SHOC1: variants seen among roughly 807,000 people sequenced by gnomAD.
SHOC1 encodes shortage in chiasmata 1, also known as protein shortage in chiasmata 1 ortholog.
In SHOC1, 136 loss-of-function variants were observed where a neutral mutation model predicts 179.2. That is an observed-to-expected ratio of 0.76 (90% CI 0.66 to 0.87). The LOEUF is 0.87. SHOC1 is among the 40% of genes least tolerant of loss of function. The probability of loss-of-function intolerance (pLI) is 0.00; values close to 1 mark genes in which losing one functional copy is unlikely to be tolerated. For synonymous variants in SHOC1, 489 were observed against 586.6 expected, an observed-to-expected ratio of 0.83 and a Z score of 2.41; for missense variants, 1,538 against 1,700.8, an observed-to-expected ratio of 0.90 and a Z score of 1.68.
At chr9:111,789,856 C>G (rs927491746) in intron 2 of SHOC1, among the ~76,000 whole-genome samples, 3 of 152,182 alleles carry the variant, frequency 2.0e-5, no homozygotes, top group South Asian at 4.1e-4. Context: ...TATCTTTTAA[C>G]TACACATTTG....
intron 8 of SHOC1, among the ~76,000 whole-genome samples, chr9:111,755,607 A>C (rs144641229): frequency 6.6e-6 from 1 of 152,316 alleles, no homozygotes; most frequent in East Asian, 1.9e-4. Context: ...GTTCTAAGTT[A>C]TGACTCTCCT....
At chr9:111,704,553 T>A (rs1589383969) in intron 21 of SHOC1, among the ~76,000 whole-genome samples, 1 of 152,158 alleles carries the variant, frequency 6.6e-6, no homozygotes, top group South Asian at 2.1e-4. Context: ...CTTAACTACC[T>A]TTTATAAGCT....
chr9:111,706,513 A>G, intron 20 of SHOC1, 55 bp downstream of exon 20: 1 of 1,319,380 alleles, frequency 7.6e-7, no homozygotes, highest in South Asian at 1.7e-5. Context: ...TAAACAAAAA[A>G]TAGAAAATTT....
intron 4 of SHOC1, among the ~76,000 whole-genome samples, chr9:111,776,844 G>A (rs1389304269): frequency 6.6e-6 from 1 of 152,176 alleles, no homozygotes; most frequent in African/African-American, 2.4e-5. Context: ...ACCGCCCAAC[G>A]GGTTCACCTT....
intron 3 of SHOC1, among the ~76,000 whole-genome samples, chr9:111,784,546 C>T (rs1836192543): frequency 6.6e-6 from 1 of 152,214 alleles, no homozygotes; most frequent in Non-Finnish European, 1.5e-5. Flanking sequence ...CCTTTCTATT[C>T]TCCAGACAAT....
At chr9:111,696,210 G>T (rs1352865808) in intron 24 of SHOC1, among the ~76,000 whole-genome samples, 1 of 152,162 alleles carries the variant, frequency 6.6e-6, no homozygotes, top group African/African-American at 2.4e-5. Flanking sequence ...AACACTAGTA[G>T]CAGTATTTTC....
intron 6 of SHOC1, 64 bp from the exon 7 acceptor site, chr9:111,758,259 C>A (rs1449246553): frequency 9.7e-6 from 8 of 822,082 alleles, no homozygotes; most frequent in Admixed American, 3.2e-5. Flanking sequence ...TGTAGCCAAC[C>A]AAAACACATA....
At chr9:111,722,831 C>G (rs1833127362) in intron 14 of SHOC1, among the ~76,000 whole-genome samples, 1 of 152,056 alleles carries the variant, frequency 6.6e-6, no homozygotes, top group Admixed American at 6.6e-5. Flanking sequence ...GAGACAGAGT[C>G]TTGCTCTGTT....
Position 111,765,376 on chromosome 9 carries a change from T to G in SHOC1, c.443-6528A>C, listed in dbSNP as rs568769608. ...GCTTTGCGAGGCCAAGGTGAAAGGA[T>G]CACTTGAGCCCAGGAGCTCGTGACC... is the stretch of plus-strand genomic sequence containing the variant. On this transcript the variant is annotated intron_variant, in intron 5 of 27. Coordinates refer to ENST00000682961, the MANE Select transcript of SHOC1 (RefSeq NM_001378211.1). Among the ~76,000 whole-genome samples the G allele has an allele frequency of 9.3e-4, 141 of 152,170 alleles. 6 individuals are homozygous for G. The highest frequency in any genetic ancestry group is 2.9e-4 in the Non-Finnish European group (20 of 68,010).
At chr9:111,782,126 G>T (rs998694905) in intron 3 of SHOC1, among the ~76,000 whole-genome samples, 1 of 152,096 alleles carries the variant, frequency 6.6e-6, no homozygotes, top group Admixed American at 6.6e-5. Context: ...GCAGGAGAAT[G>T]GCATGAACCC....
intron 5 of SHOC1, among the ~76,000 whole-genome samples, chr9:111,768,618 T>A (rs1413004384): frequency 1.3e-5 from 2 of 152,250 alleles, no homozygotes; most frequent in East Asian, 3.8e-4. Context: ...TTCCAACTAT[T>A]ATTTTAGGTT....
chr9:111,725,690 G>C lies in SHOC1; in HGVS notation c.1835-1779C>G, dbSNP rs535649751. Among the ~76,000 whole-genome samples the C allele has an allele frequency of 9.2e-5, 14 of 152,298 alleles. No individual in the cohort carries two copies. The South Asian group carries it at 2.7e-3, about 29-fold the overall frequency. On this transcript the variant is annotated intron_variant, in intron 13 of 27. Coordinates refer to ENST00000682961, the MANE Select transcript of SHOC1 (RefSeq NM_001378211.1). The stretch of plus-strand genomic sequence containing the variant: ...GAGAGATGTATAAAAAGGCAAAGAG[G>C]CCAGGAACTTAACACTTAATTGAGG...
At chr9:111,785,344 T>G (rs1172124782) in intron 3 of SHOC1, among the ~76,000 whole-genome samples, 1 of 145,728 alleles carries the variant, frequency 6.9e-6, no homozygotes, top group Non-Finnish European at 1.5e-5. Context: ...TATTTAATGG[T>G]TTTGTTGCTG....
At position 111,764,504 on chromosome 9, in the gene SHOC1, A is replaced by C. The variant is rs150961598; in HGVS notation, c.443-5656T>G. On this transcript the variant is annotated intron_variant, in intron 5 of 27. Coordinates refer to ENST00000682961, the MANE Select transcript of SHOC1 (RefSeq NM_001378211.1). ...ATAACACAATACTATTTTCAGCTAC[A>C]AATAGTATTTATGCATTCATAATTC... Among the ~76,000 whole-genome samples the C allele has an allele frequency of 3.1e-3, 466 of 152,350 alleles. 7 individuals are homozygous for C. Among genetic ancestry groups the C allele is most frequent in the South Asian group, 0.026 (125 of 4,830 alleles).
Position 111,706,708 on chromosome 9 carries a change from C to G in SHOC1, c.2597G>C (p.Gly866Ala), listed in dbSNP as rs759428757. 6.2e-7 allele frequency: 1 copy of G among 1,606,898 alleles called. No individual in the cohort carries two copies. The highest frequency in any genetic ancestry group is 1.7e-5 in the Admixed American group (1 of 59,142). Residue 866 changes from glycine (G) to alanine (A), a missense_variant, in exon 20 of 28, where the codon GGA becomes GCA. Physicochemically the swap from Gly to Ala is moderately conservative, Grantham distance 60. Transcript: ENST00000682961. ...GAAATTACTCCAGGGGAAATCTGCTCCAATATATTGATTATGTACAACTAC... is the reference window on the plus strand; with the variant it reads ...GAAATTACTCCAGGGGAAATCTGCTGCAATATATTGATTATGTACAACTAC... ...SCVVVHNQYI[G>A]ADFPWSNFSF...
At position 111,756,541 on chromosome 9, in the gene SHOC1, A is replaced by G; in HGVS notation, c.709-63T>C. On this transcript the variant is annotated intron_variant, in intron 7 of 27. Transcript: ENST00000682961. ...TTTCCAAATAAATATTTTCGAAATC[A>G]TAAGTGGACAAAATTTGCTTAAATG... The G allele has an allele frequency of 6.2e-6, 9 of 1,445,138 alleles. No individual in the cohort carries two copies. In the South Asian group the frequency reaches 6.4e-5, roughly 10 times the overall value. 89.5% of individuals were successfully genotyped at this position (1,445,138 alleles called of 1,614,324 possible).
At chr9:111,759,094 G>A in intron 5 of SHOC1, 1 of 1,487,602 alleles carries the variant, frequency 6.7e-7, no homozygotes. Context: ...CAAAAGAGCT[G>A]TAACGGCTAA....
Position 111,793,010 on chromosome 9 carries a change from G to A in SHOC1, c.-36-1556C>T, listed in dbSNP as rs545236405. On this transcript the variant is annotated intron_variant, in intron 1 of 27. Coordinates refer to ENST00000682961, the MANE Select transcript of SHOC1 (RefSeq NM_001378211.1). ...CCATTCTCCTGCCTCAGCCTCCTGA[G>A]TAGTTGGGACTATAGGCGCCCGCCA... 1.1e-4 allele frequency among the ~76,000 whole-genome samples: 17 copies of A among 152,218 alleles called. No homozygotes were observed. The South Asian group carries it at 2.1e-3, about 19-fold the overall frequency.
intron 14 of SHOC1, among the ~76,000 whole-genome samples, chr9:111,722,943 A>G (rs1293097104): frequency 6.6e-6 from 1 of 152,110 alleles, no homozygotes; most frequent in Non-Finnish European, 1.5e-5. Flanking sequence ...CTGGGACTAT[A>G]GGCGTGCACC....
Sources: gnomAD v4.1 joint callset for allele counts (sites outside exome capture counted in the v4.1 genomes callset) on GRCh38, gnomAD v4.1.1 for gene constraint, MANE v1.5 for transcripts, NCBI Gene and HGNC (gene_info 2026-07-23, HGNC 2026-07-21) for gene names.